Variants in DCC observed in about 807,000 individuals in gnomAD.
DCC encodes netrin receptor DCC.
Under a neutral mutation model 172.5 loss-of-function variants are expected in DCC, and 58 were observed. That is an observed-to-expected ratio of 0.34 (90% confidence interval 0.27 to 0.42). DCC has a LOEUF of 0.42. Ranked by LOEUF, DCC falls within the 10% of genes least tolerant of loss-of-function variation. The pLI is 1.00. For synonymous variants in DCC, 709 were observed against 644.5 expected (o/e 1.10, Z -1.52); for missense variants, 1,740 against 1,791.0 (o/e 0.97, Z 0.51).
intron 5 of DCC, among the ~76,000 whole-genome samples, chr18:52,984,854 C>A (rs943936925): frequency 1.1e-4 from 17 of 151,986 alleles, no homozygotes; most frequent in Admixed American, 2.0e-4. Context: ...CTACTTTTAG[C>A]CACCAAAACA....
At chr18:53,078,611 TA>T (rs202008339) in intron 7 of DCC, among the ~76,000 whole-genome samples, 2,596 of 152,216 alleles carry the variant, frequency 0.017, 70 homozygotes, top group African/African-American at 0.059. Flanking sequence ...AGAGAAATAA[TA>T]TTTTTTTATT....
chr18:52,566,857 T>C (rs933520098), intron 1 of DCC, among the ~76,000 whole-genome samples: 1 of 152,018 alleles, frequency 6.6e-6, no homozygotes, highest in Middle Eastern at 3.2e-3. Context: ...GGATTCAACC[T>C]AGCTTGGATA....
chr18:52,386,847 C>T (rs1016938025), intron 1 of DCC, among the ~76,000 whole-genome samples: 5 of 152,138 alleles, frequency 3.3e-5, no homozygotes, highest in African/African-American at 1.2e-4. Flanking sequence ...CAAAAATCAC[C>T]TTTCACCATA....
intron 5 of DCC, among the ~76,000 whole-genome samples, chr18:53,010,779 A>T (rs1340394176): frequency 4.0e-5 from 6 of 151,044 alleles, no homozygotes; most frequent in Non-Finnish European, 4.4e-5. Flanking sequence ...TACTCTTTAC[A>T]TTACACACTG....
At chr18:52,405,166 G>T (rs1264404889) in intron 1 of DCC, among the ~76,000 whole-genome samples, 2 of 149,914 alleles carry the variant, frequency 1.3e-5, no homozygotes, top group Non-Finnish European at 3.0e-5. Flanking sequence ...ATAGTCCTTT[G>T]GGTATATACC....
intron 2 of DCC, among the ~76,000 whole-genome samples, chr18:52,833,726 CAA>C (rs1337734729): frequency 6.6e-6 from 1 of 152,086 alleles, no homozygotes; most frequent in Non-Finnish European, 1.5e-5. Flanking sequence ...TACTTCCTGA[CAA>C]GAGCTCACTG....
At chr18:53,120,861 A>G (rs1283035713) in intron 7 of DCC, among the ~76,000 whole-genome samples, 2 of 151,902 alleles carry the variant, frequency 1.3e-5, no homozygotes, top group Non-Finnish European at 2.9e-5. Context: ...ATCATATTTA[A>G]ATTAATAGAT....
chr18:52,833,468 T>C (rs984375129), intron 2 of DCC, among the ~76,000 whole-genome samples: 4 of 152,002 alleles, frequency 2.6e-5, no homozygotes, highest in African/African-American at 9.7e-5. Context: ...CCCAATGACA[T>C]TGAGTATTTT....
At chr18:53,353,023 G>A (rs1037241505) in intron 15 of DCC, among the ~76,000 whole-genome samples, 5 of 151,310 alleles carry the variant, frequency 3.3e-5, no homozygotes, top group Non-Finnish European at 7.4e-5. Flanking sequence ...TACATTTAAA[G>A]TGGGGTGGTT....
At chr18:52,490,842 G>C (rs767505630) in intron 1 of DCC, among the ~76,000 whole-genome samples, 1 of 152,082 alleles carries the variant, frequency 6.6e-6, no homozygotes, top group Non-Finnish European at 1.5e-5. Flanking sequence ...CAATGCTAAA[G>C]CTTACCTATG....
intron 5 of DCC, among the ~76,000 whole-genome samples, chr18:52,933,877 A>G (rs955654457): frequency 6.6e-6 from 1 of 152,076 alleles, no homozygotes; most frequent in African/African-American, 2.4e-5. Flanking sequence ...TTTGTAAAAC[A>G]ATGATAATTA....
chr18:52,364,748 CTTAGTA>C (rs1984769891), intron 1 of DCC, among the ~76,000 whole-genome samples: 2 of 152,132 alleles, frequency 1.3e-5, no homozygotes, highest in Non-Finnish European at 2.9e-5. Context: ...TTTTGCCCTT[CTTAGTA>C]TGAGTGGAAG....
At chr18:52,757,349 C>A (rs1599079601) in intron 2 of DCC, 2 of 152,206 alleles carry the variant, frequency 1.3e-5, no homozygotes, top group African/African-American at 4.8e-5. Flanking sequence ...GAGTTTAACA[C>A]AACTGGTACC....
chr18:53,014,791 A>G (rs7505529), intron 5 of DCC, among the ~76,000 whole-genome samples: 109,102 of 151,816 alleles, frequency 0.72, 39,395 homozygotes, highest in East Asian at 0.75. Context: ...GAATTGCTGC[A>G]TAAACATCTG....
At chr18:53,406,004 G>A (rs7228269) in intron 19 of DCC, among the ~76,000 whole-genome samples, 3,704 of 152,204 alleles carry the variant, frequency 0.024, 71 homozygotes, top group Middle Eastern at 0.065. Flanking sequence ...TATGAGAAGG[G>A]ACTGAGCATG....
intron 7 of DCC, among the ~76,000 whole-genome samples, chr18:53,113,030 C>T (rs916147295): frequency 6.6e-6 from 1 of 151,296 alleles, no homozygotes; most frequent in Non-Finnish European, 1.5e-5. Flanking sequence ...TATGCAGGGC[C>T]AGTATTGTGA....
intron 7 of DCC, among the ~76,000 whole-genome samples, chr18:53,071,578 A>T (rs2042651875): frequency 6.6e-6 from 1 of 152,196 alleles, no homozygotes; most frequent in African/African-American, 2.4e-5. Flanking sequence ...GAGACTTTGC[A>T]TATATTACAT....
chr18:53,362,521 T>C (rs62098022), intron 15 of DCC, among the ~76,000 whole-genome samples: 45,336 of 152,094 alleles, frequency 0.3, 8,656 homozygotes, highest in Non-Finnish European at 0.44. Flanking sequence ...TGGCCACTCA[T>C]GGCCTTCACA....
At chr18:52,645,549 A>C (rs923954369) in intron 1 of DCC, among the ~76,000 whole-genome samples, 1 of 152,222 alleles carries the variant, frequency 6.6e-6, no homozygotes, top group Admixed American at 6.5e-5. Flanking sequence ...GTCTTGGAGT[A>C]AAAGCTTGTC....
Sources: gnomAD v4.1 joint callset for allele counts (sites outside exome capture counted in the v4.1 genomes callset) on GRCh38, gnomAD v4.1.1 for gene constraint, MANE v1.5 for transcripts, NCBI Gene and HGNC (gene_info 2026-07-23, HGNC 2026-07-21) for gene names.